Variants in OGDH observed in about 807,000 individuals in gnomAD.
The protein encoded by OGDH is 2-oxoglutarate dehydrogenase complex component E1.
Under a neutral mutation model 116.6 loss-of-function variants are expected in OGDH, and 38 were observed. That is an observed-to-expected ratio of 0.33 (90% CI 0.25 to 0.43). OGDH has a LOEUF of 0.43. OGDH is among the 20% of genes least tolerant of loss of function. The probability of loss-of-function intolerance (pLI) is 1.00; values close to 1 mark genes in which losing one functional copy is unlikely to be tolerated. For missense variants in OGDH, 825 were observed against 1,357.2 expected (o/e 0.61, Z 6.16); for synonymous variants, 488 against 533.3 (o/e 0.92, Z 1.17).
rs1562697185 is a variant in OGDH at position 44,708,140 on chromosome 7, G to A, written c.*141G>A. 8.3e-7 allele frequency: 1 copy of A among 1,201,858 alleles called. No individual in the cohort carries two copies. Among genetic ancestry groups the A allele is most frequent in the Non-Finnish European group, 1.2e-6 (1 of 867,636 alleles). The allele number at this position is 1,201,858 out of a possible 1,614,324, so 74.4% of individuals were successfully genotyped here. ...CACCACCCCTCCCTCTGCTCTCATA[G>A]GAGTTAGGCTGTCGTCCCCCTCCAG... On this transcript the variant is annotated 3_prime_UTR_variant, in exon 23 of 23. Coordinates refer to ENST00000222673, the MANE Select transcript of OGDH (RefSeq NM_002541.4).
In OGDH at chr7:44,701,535, T is replaced by C. The variant is rs1179470508; in HGVS notation, c.2560-8T>C. 1.9e-6 allele frequency: 3 copies of C among 1,613,428 alleles called. No homozygotes were observed. Among genetic ancestry groups the C allele is most frequent in the Non-Finnish European group, 8.5e-7 (1 of 1,179,422 alleles). On this transcript the variant is annotated splice_region_variant and splice_polypyrimidine_tract_variant and intron_variant, in intron 19 of 22. Coordinates refer to ENST00000222673, the MANE Select transcript of OGDH (RefSeq NM_002541.4). ...GATCCTTCACGAGCCTATTGTTCTG[T>C]ATTTCAGTTAATTATCTTCACCCCC...
chr7:44,699,438 A>C (rs943822334), intron 18 of OGDH, among the ~76,000 whole-genome samples: 2 of 151,898 alleles, frequency 1.3e-5, no homozygotes, highest in Admixed American at 1.3e-4. Flanking sequence ...AAAAAAAAAA[A>C]AAAAAAAAAA....
intron 2 of OGDH, among the ~76,000 whole-genome samples, chr7:44,643,930 G>A (rs1462459471): frequency 6.6e-6 from 1 of 152,194 alleles, no homozygotes; most frequent in African/African-American, 2.4e-5. Context: ...TGTTTTGCCA[G>A]GCGCGATGGC....
intron 5 of OGDH, among the ~76,000 whole-genome samples, chr7:44,672,262 T>A (rs1476104264): frequency 6.6e-6 from 1 of 152,168 alleles, no homozygotes; most frequent in African/African-American, 2.4e-5. Context: ...GGAGCTTGTG[T>A]ACAGGGATAG....
rs1562636303 is a variant in OGDH at position 44,645,536 on chromosome 7, C to G, written c.414+18C>G. ...CATATCAGGTAAGGCGGGTGCTTTACCCGCACACGGGAAAGGGTGCAGTGT... is the reference window on the plus strand; with the variant it reads ...CATATCAGGTAAGGCGGGTGCTTTAGCCGCACACGGGAAAGGGTGCAGTGT... On this transcript the variant is annotated intron_variant, in intron 3 of 22. Coordinates refer to ENST00000222673, the MANE Select transcript of OGDH (RefSeq NM_002541.4). The G allele has an allele frequency of 6.2e-7, 1 of 1,611,236 alleles. No individual in the cohort carries two copies. Among genetic ancestry groups the G allele is most frequent in the African/African-American group, 1.3e-5 (1 of 74,882 alleles).
chr7:44,694,405 C>T lies in OGDH; in HGVS notation c.1516-19C>T. 6.2e-7 allele frequency: 1 copy of T among 1,613,016 alleles called. No homozygotes were observed. The highest frequency in any genetic ancestry group is 2.2e-5 in the East Asian group (1 of 44,854). On this transcript the variant is annotated intron_variant, in intron 11 of 22. Transcript: ENST00000222673. This position sits in a 1 kb window ranked among gnomAD's most constrained non-coding sequence, Gnocchi z 4.2. ...GGGGCCAGCCCTTGTCTCTGACATC[C>T]TCTCACTGCTCTGAGCAGGTGTGTT...
At chr7:44,635,628 T>C (rs1381952914) in intron 2 of OGDH, among the ~76,000 whole-genome samples, 2 of 152,118 alleles carry the variant, frequency 1.3e-5, no homozygotes, top group Non-Finnish European at 2.9e-5. Context: ...TCATAGAGCT[T>C]GGGCTAAGTT....
intron 20 of OGDH, among the ~76,000 whole-genome samples, chr7:44,705,847 C>T (rs1322890591): frequency 6.6e-6 from 1 of 152,210 alleles, no homozygotes; most frequent in Non-Finnish European, 1.5e-5. Flanking sequence ...GTGTCCGTCA[C>T]CCGAGTACGA....
chr7:44,688,497 C>A (rs1215901384), intron 10 of OGDH, among the ~76,000 whole-genome samples: 1 of 126,744 alleles, frequency 7.9e-6, no homozygotes, highest in Non-Finnish European at 1.6e-5. Flanking sequence ...GTGGTGTGAT[C>A]TCGGCTCATT....
At chr7:44,618,002 G>C (rs1014461399) in intron 1 of OGDH, among the ~76,000 whole-genome samples, 2 of 152,172 alleles carry the variant, frequency 1.3e-5, no homozygotes, top group Non-Finnish European at 2.9e-5. Flanking sequence ...GACCTCGAAG[G>C]CTTCATATTT....
chr7:44,680,199 G>A (rs1055847834), intron 9 of OGDH, among the ~76,000 whole-genome samples: 1 of 152,008 alleles, frequency 6.6e-6, no homozygotes, highest in Admixed American at 6.6e-5. Context: ...GTGAAAGAGT[G>A]AGACCCTGCC....
rs555223594 is a variant in OGDH, at chr7:44,647,641, C to T, written c.415-16C>T. ...TTTTGTGTGTGTCCTTCCCTCTCAT[C>T]GTTGGCCACTCATAGATACGAGGGC... On this transcript the variant is annotated splice_polypyrimidine_tract_variant and intron_variant, in intron 3 of 22. Transcript: ENST00000222673. The T allele has an allele frequency of 3.7e-6, 6 of 1,606,108 alleles. No homozygotes were observed. Among genetic ancestry groups the T allele is most frequent in the East Asian group, 4.5e-5 (2 of 44,838 alleles).
intron 1 of OGDH, among the ~76,000 whole-genome samples, chr7:44,622,036 C>T (rs573600693): frequency 1.3e-5 from 2 of 152,294 alleles, no homozygotes; most frequent in South Asian, 2.1e-4. Context: ...TTACGATTGT[C>T]AGTTCAGTGC....
chr7:44,609,488 T>G (rs1784484076), intron 1 of OGDH, among the ~76,000 whole-genome samples: 1 of 146,614 alleles, frequency 6.8e-6, no homozygotes, highest in African/African-American at 2.5e-5. Flanking sequence ...CCAGCATGAG[T>G]GACAGAGTGA....
chr7:44,684,659 A>G (rs772249655), intron 10 of OGDH, among the ~76,000 whole-genome samples: 3 of 152,190 alleles, frequency 2.0e-5, no homozygotes, highest in Non-Finnish European at 4.4e-5. Flanking sequence ...ATAGCTTACT[A>G]GAGGAAATGA....
chr7:44,611,355 G>A (rs1003032927), intron 1 of OGDH, among the ~76,000 whole-genome samples: 4 of 152,120 alleles, frequency 2.6e-5, no homozygotes, highest in South Asian at 4.1e-4. Context: ...TGCAACCTCC[G>A]CCTTCCGGGT....
chr7:44,616,917 C>T (rs1228695523), intron 1 of OGDH, among the ~76,000 whole-genome samples: 1 of 127,136 alleles, frequency 7.9e-6, no homozygotes. Flanking sequence ...CGCCACTGCA[C>T]TCCATCCTGG....
Position 44,634,752 on chromosome 7 carries a change from G to T in OGDH, c.222+10187G>T, listed in dbSNP as rs529377722. ...TTGTTTTTGCTTCATAGGCAGAATG[G>T]TGGTAAGTGGTACTCTGGCCTGGGC... On this transcript the variant is annotated intron_variant, in intron 2 of 22. Coordinates refer to ENST00000222673, the MANE Select transcript of OGDH (RefSeq NM_002541.4). Among the ~76,000 whole-genome samples the T allele has an allele frequency of 1.6e-4, 24 of 152,346 alleles. No individual in the cohort carries two copies. In the South Asian group the frequency reaches 4.6e-3, roughly 29 times the overall value.
intron 4 of OGDH, among the ~76,000 whole-genome samples, chr7:44,648,214 C>T (rs1481913759): frequency 6.6e-6 from 1 of 152,146 alleles, no homozygotes; most frequent in Non-Finnish European, 1.5e-5. Flanking sequence ...CCTTAGGGGA[C>T]GAATTCTAGA....
Sources: allele counts gnomAD v4.1 joint callset (sites outside exome capture counted in the v4.1 genomes callset), GRCh38; gene constraint gnomAD v4.1.1; non-coding constraint Gnocchi (gnomAD v3.1); transcripts MANE v1.5; gene names NCBI Gene and HGNC (gene_info 2026-07-23, HGNC 2026-07-21).